Variants in AKT2 observed in about 807,000 individuals in gnomAD.
AKT2 encodes RAC-beta serine/threonine-protein kinase.
AKT2 carries 16 observed loss-of-function variants against 58.6 expected under a neutral mutation model. That is an observed-to-expected ratio of 0.27 (90% CI 0.18 to 0.41). The LOEUF is 0.41. Ranked by LOEUF, AKT2 falls within the 10% of genes least tolerant of loss-of-function variation. AKT2 has a pLI of 1.00. For missense variants in AKT2, 438 were observed against 661.0 expected (o/e 0.66, Z 3.70); for synonymous variants, 253 against 254.0 (o/e 1.00, Z 0.04).
At position 40,235,363 on chromosome 19, in the gene AKT2, G is replaced by T. The variant is rs561281900; in HGVS notation, c.1176-13C>A. 22 of 1,613,384 alleles carry T rather than the reference G, an allele frequency of 1.4e-5. No individual in the cohort carries two copies. In the East Asian group the frequency reaches 4.9e-4, roughly 36 times the overall value. On this transcript the variant is annotated splice_polypyrimidine_tract_variant and intron_variant, in intron 11 of 13. Coordinates refer to ENST00000392038, the MANE Select transcript of AKT2 (RefSeq NM_001626.6). The surrounding 1 kb of genome is among the most constrained non-coding windows in gnomAD (Gnocchi z 6.3). ...CCCCCCACCAAGCCTGTGCAGAGAC[G>T]GCCGTCAGCACCTGCCTCCCGGAGC...
rs551249741 is a variant in AKT2, at chr19:40,233,543, C to T, written c.*329G>A. On this transcript the variant is annotated 3_prime_UTR_variant, in exon 14 of 14. Coordinates refer to ENST00000392038, the MANE Select transcript of AKT2 (RefSeq NM_001626.6). This position sits in a 1 kb window ranked among gnomAD's most constrained non-coding sequence, Gnocchi z 4.3. ...ACCAGCACGACACCCAGGCCAGAAACTCAGGCAGGCCCCAGGCGCCATGCT... is the reference window on the plus strand; with the variant it reads ...ACCAGCACGACACCCAGGCCAGAAATTCAGGCAGGCCCCAGGCGCCATGCT... The T allele has an allele frequency of 1.5e-6, 1 of 649,012 alleles. No homozygotes were observed. Among genetic ancestry groups the T allele is most frequent in the South Asian group, 1.4e-5 (1 of 72,374 alleles). 40.2% of individuals were successfully genotyped at this position (649,012 alleles called of 1,614,324 possible).
At chr19:40,283,344 G>A (rs2077457055) in intron 1 of AKT2, among the ~76,000 whole-genome samples, 1 of 152,176 alleles carries the variant, frequency 6.6e-6, no homozygotes, top group Non-Finnish European at 1.5e-5. Flanking sequence ...GCCACTGTTA[G>A]CCCCATCAGG....
intron 1 of AKT2, among the ~76,000 whole-genome samples, chr19:40,268,359 C>G (rs1295323208): frequency 6.6e-6 from 1 of 152,242 alleles, no homozygotes; most frequent in Non-Finnish European, 1.5e-5. Flanking sequence ...GCCCAGTGAA[C>G]AGCCAAACAC....
At position 40,238,094 on chromosome 19, in the gene AKT2, G is replaced by C. The variant is rs370790932; in HGVS notation, c.709-3C>G. 1.2e-4 allele frequency: 187 copies of C among 1,592,306 alleles called. No homozygotes were observed. In the Middle Eastern group the frequency reaches 1.4e-3, roughly 12 times the overall value. On this transcript the variant is annotated splice_polypyrimidine_tract_variant and splice_region_variant and intron_variant, in intron 8 of 13. Transcript: ENST00000392038. The surrounding 1 kb of genome is among the most constrained non-coding windows in gnomAD (Gnocchi z 5.1). ...TCCCGGGACAGGTGGAAGAACAGCT[G>C]CAGGAGGAAGGGGTGGGGAGAGGAG...
chr19:40,284,447 A>G (rs1359033375), intron 1 of AKT2, among the ~76,000 whole-genome samples: 1 of 152,184 alleles, frequency 6.6e-6, no homozygotes, highest in Non-Finnish European at 1.5e-5. Flanking sequence ...CATGGTCCAA[A>G]GCACCCCAGT....
At chr19:40,258,151 A>C (rs1287695718) in intron 2 of AKT2, among the ~76,000 whole-genome samples, 7 of 148,780 alleles carry the variant, frequency 4.7e-5, no homozygotes. Flanking sequence ...AGGCTGAGGC[A>C]GGAGACTCCT....
intron 1 of AKT2, among the ~76,000 whole-genome samples, chr19:40,273,270 G>A (rs915685529): frequency 6.6e-6 from 1 of 151,812 alleles, no homozygotes; most frequent in African/African-American, 2.4e-5. Flanking sequence ...GGACCCGGGA[G>A]GCAGAGGTTG....
At position 40,233,609 on chromosome 19, in the gene AKT2, T is replaced by TCCAACCGC. The variant is rs746703908; in HGVS notation, c.*255_*262dup. The TCCAACCGC allele has an allele frequency of 1.9e-5, 14 of 736,260 alleles. No homozygotes were observed. The highest frequency in any genetic ancestry group is 3.5e-5 in the Non-Finnish European group (14 of 399,016). 45.6% of individuals were successfully genotyped at this position (736,260 alleles called of 1,614,324 possible). A position where few individuals can be genotyped will look rare whatever the true frequency, so the allele number is the denominator to read the frequency against. The stretch of plus-strand genomic sequence containing the variant: ...GCTTGTGTGGATTAAAACCTGAATC[T>TCCAACCGC]CCAACCGCCCAACAGCCCAGGCCTG... On this transcript the variant is annotated 3_prime_UTR_variant, in exon 14 of 14. Coordinates refer to ENST00000392038, the MANE Select transcript of AKT2 (RefSeq NM_001626.6). The surrounding 1 kb of genome is among the most constrained non-coding windows in gnomAD (Gnocchi z 4.3).
In AKT2 at chr19:40,231,331, G is replaced by C. The variant is rs1973691791; in HGVS notation, c.*2541C>G. The C allele has an allele frequency of 4.3e-6, 1 of 232,718 alleles. No homozygotes were observed. The highest frequency in any genetic ancestry group is 2.2e-5 in the African/African-American group (1 of 45,296). 14.4% of individuals were successfully genotyped at this position (232,718 alleles called of 1,614,324 possible). On this transcript the variant is annotated 3_prime_UTR_variant, in exon 14 of 14. Transcript: ENST00000392038. ...CAGCAACGTGGGTCAACTCGGGGCT[G>C]GGACGAGATGGAAGAGTAAAAGGCC...
intron 1 of AKT2, among the ~76,000 whole-genome samples, chr19:40,267,936 A>AG (rs1411398800): frequency 8.7e-5 from 6 of 68,948 alleles, no homozygotes; most frequent in African/African-American, 2.5e-4. Flanking sequence ...GAGTTAACTG[A>AG]GGGAGTGAGC....
rs559258050 is a variant in AKT2 at position 40,242,897 on chromosome 19, C to T, written c.288-210G>A. ...GGCGCAGTGGCTCATGCCTATAATC[C>T]CAGCACTTTGGGAGGCTGAGGCGGA... On this transcript the variant is annotated intron_variant, in intron 4 of 13. Coordinates refer to ENST00000392038, the MANE Select transcript of AKT2 (RefSeq NM_001626.6). The surrounding 1 kb of genome is among the most constrained non-coding windows in gnomAD (Gnocchi z 4.3). 1.5e-5 allele frequency: 9 copies of T among 582,658 alleles called. No individual in the cohort carries two copies. The highest frequency in any genetic ancestry group is 2.7e-5 in the Admixed American group (1 of 36,418). 36.1% of individuals were successfully genotyped at this position (582,658 alleles called of 1,614,324 possible). A position where few individuals can be genotyped will look rare whatever the true frequency, so the allele number is the denominator to read the frequency against.
chr19:40,251,196 C>T (rs1290789830), intron 4 of AKT2, among the ~76,000 whole-genome samples: 1 of 152,002 alleles, frequency 6.6e-6, no homozygotes, highest in Non-Finnish European at 1.5e-5. Context: ...AGAGCAAGAA[C>T]TTGTCTCTAA....
At chr19:40,236,218 T>G in intron 10 of AKT2, 39 bp downstream of exon 10, 1 of 1,613,400 alleles carries the variant, frequency 6.2e-7, no homozygotes, top group Non-Finnish European at 8.5e-7. Flanking sequence ...CCCCCTACCC[T>G]TGGCCTCACA....
At position 40,233,694 on chromosome 19, in the gene AKT2, A is replaced by G. The variant is rs1217154937; in HGVS notation, c.*178T>C. ...GCACAAAGGTGAGGCTGGAGGCTGG[A>G]GGCAGGGGCTGCAGGGGCCGCTGGG... is the stretch of plus-strand genomic sequence containing the variant. On this transcript the variant is annotated 3_prime_UTR_variant, in exon 14 of 14. Transcript: ENST00000392038. This position sits in a 1 kb window ranked among gnomAD's most constrained non-coding sequence, Gnocchi z 4.3. 2 of 733,654 alleles carry G rather than the reference A, an allele frequency of 2.7e-6. No individual in the cohort carries two copies. The highest frequency in any genetic ancestry group is 4.1e-5 in the African/African-American group (2 of 48,790). 45.4% of individuals were successfully genotyped at this position (733,654 alleles called of 1,614,324 possible).
rs774681177 is a variant in AKT2 at position 40,235,299 on chromosome 19, G to A, written c.1227C>T (p.Phe409=). The A allele has an allele frequency of 1.2e-6, 2 of 1,614,056 alleles. No individual in the cohort carries two copies. The highest frequency in any genetic ancestry group is 2.2e-5 in the South Asian group (2 of 91,074). The change falls in exon 12 of 14, where the codon TTC becomes TTT. Residue 409 remains phenylalanine, a synonymous_variant. Transcript: ENST00000392038. The surrounding 1 kb of genome is among the most constrained non-coding windows in gnomAD (Gnocchi z 6.3). ...CCACGTCCTGCCAGTTGATGCTGAGGAAGAACCTGTGCTCCATGACCTCCT... is the reference window on the plus strand; with the variant it reads ...CCACGTCCTGCCAGTTGATGCTGAGAAAGAACCTGTGCTCCATGACCTCCT... ...DAKEVMEHRF[F]LSINWQDVVQ...
chr19:40,236,150 T>C (rs914867779), intron 10 of AKT2, 46 bp from the exon 11 acceptor site: 2 of 1,613,458 alleles, frequency 1.2e-6, no homozygotes, highest in Admixed American at 1.7e-5. Context: ...GCCCTGAGGC[T>C]GGCATCACAG....
At position 40,241,810 on chromosome 19, in the gene AKT2, T is replaced by G. The variant is rs66468937; in HGVS notation, c.573+128A>C. 5.5e-3 allele frequency: 7,757 copies of G among 1,398,936 alleles called. 246 individuals are homozygous for G. The African/African-American group carries it at 0.08, about 14-fold the overall frequency. 86.7% of individuals were successfully genotyped at this position (1,398,936 alleles called of 1,614,324 possible). A position where few individuals can be genotyped will look rare whatever the true frequency, so the allele number is the denominator to read the frequency against. Reference sequence around the variant, plus strand: ...GGCCTCAGGCTCCCCCTTTTCTGACTAGGGGGAATTTGTGGGGGAAATAAG... The same window carrying G: ...GGCCTCAGGCTCCCCCTTTTCTGACGAGGGGGAATTTGTGGGGGAAATAAG... On this transcript the variant is annotated intron_variant, in intron 6 of 13. Transcript: ENST00000392038.
At position 40,238,461 on chromosome 19, in the gene AKT2, C is replaced by T. The variant is rs1235162494; in HGVS notation, c.709-370G>A. Among the ~76,000 whole-genome samples the T allele has an allele frequency of 6.6e-6, 1 of 152,192 alleles. No individual in the cohort carries two copies. The highest frequency in any genetic ancestry group is 1.9e-4 in the East Asian group (1 of 5,192). ...CAAAGCAGGTGTGCCAACCACTGCA[C>T]AGAGAAGGCGCGAGGCAAGGAGTGG... On this transcript the variant is annotated intron_variant, in intron 8 of 13. Transcript: ENST00000392038. This position sits in a 1 kb window ranked among gnomAD's most constrained non-coding sequence, Gnocchi z 5.1.
Position 40,237,901 on chromosome 19 carries a change from C to T in AKT2, c.831+68G>A. 17 of 1,602,106 alleles carry T rather than the reference C, an allele frequency of 1.1e-5. No homozygotes were observed. Among genetic ancestry groups the T allele is most frequent in the Non-Finnish European group, 1.4e-5 (16 of 1,175,184 alleles). On this transcript the variant is annotated intron_variant, in intron 9 of 13. Transcript: ENST00000392038. This position sits in a 1 kb window ranked among gnomAD's most constrained non-coding sequence, Gnocchi z 4.5. ...GAATGAGGGCAGAAGCTCAGCCCAACTTCCCCAGTGTGAGTCCCATGTGGT... is the reference window on the plus strand; with the variant it reads ...GAATGAGGGCAGAAGCTCAGCCCAATTTCCCCAGTGTGAGTCCCATGTGGT...
Sources: gnomAD v4.1 joint callset for allele counts (sites outside exome capture counted in the v4.1 genomes callset) on GRCh38, gnomAD v4.1.1 for gene constraint, Gnocchi (gnomAD v3.1) non-coding constraint, MANE v1.5 for transcripts, NCBI Gene and HGNC (gene_info 2026-07-23, HGNC 2026-07-21) for gene names.